Variants in DISP1 observed in about 807,000 individuals in gnomAD.
DISP1 encodes protein dispatched homolog 1.
A neutral mutation model predicts 37.3 loss-of-function variants in DISP1; 30 were observed. That is an observed-to-expected ratio of 0.80 (90% CI 0.60 to 1.09). The LOEUF (loss-of-function observed/expected upper bound fraction) is 1.09. Ranked by LOEUF, DISP1 falls within the 50% of genes least tolerant of loss-of-function variation. The pLI, the probability that DISP1 is intolerant of heterozygous loss-of-function variation, is 0.00. For synonymous variants in DISP1, 634 were observed against 690.2 expected (o/e 0.92, Z 1.28); for missense variants, 1,598 against 1,879.5 (o/e 0.85, Z 2.77).
intron 1 of DISP1, chr1:222,899,943 A>T (rs1671491345): frequency 6.6e-6 from 1 of 152,156 alleles, no homozygotes; most frequent in Non-Finnish European, 1.5e-5. Context: ...GCCTTAATGA[A>T]AAATTTCTAA....
At chr1:222,922,205 G>C (rs1487071947) in intron 1 of DISP1, among the ~76,000 whole-genome samples, 2 of 152,098 alleles carry the variant, frequency 1.3e-5, no homozygotes, top group Non-Finnish European at 1.5e-5. Flanking sequence ...TTGTGTGCCA[G>C]CTAAGATGTT....
chr1:222,823,474 CAT>C (rs560275237), intron 1 of DISP1, among the ~76,000 whole-genome samples: 118 of 152,156 alleles, frequency 7.8e-4, no homozygotes, highest in African/African-American at 2.7e-3. Flanking sequence ...TGCTAAATAA[CAT>C]GTACACATGG....
At chr1:222,843,878 A>G (rs1667746129) in intron 1 of DISP1, among the ~76,000 whole-genome samples, 1 of 152,126 alleles carries the variant, frequency 6.6e-6, no homozygotes, top group Non-Finnish European at 1.5e-5. Context: ...AGCCCCAGAA[A>G]AAGTAGATAA....
chr1:222,871,244 T>C (rs1177729471), intron 1 of DISP1, among the ~76,000 whole-genome samples: 1 of 152,228 alleles, frequency 6.6e-6, no homozygotes, highest in African/African-American at 2.4e-5. Flanking sequence ...AGCTTTGTTC[T>C]TTTGGCTTAG....
rs145128022 is a variant in DISP1 at position 222,834,291 on chromosome 1, C to T, written c.-159+19213C>T. On this transcript the variant is annotated intron_variant, in intron 1 of 8. Coordinates refer to ENST00000675850, the MANE Select transcript of DISP1 (RefSeq NM_001377229.1). ...CCTGTCCTGTAGTTGGATAGATAAG[C>T]TAACTCTTTGTGGGCTGGTCCTTAA... Among the ~76,000 whole-genome samples the T allele has an allele frequency of 4.4e-3, 670 of 151,980 alleles. 5 individuals carry two copies. The highest frequency in any genetic ancestry group is 0.015 in the African/African-American group (631 of 41,480).
chr1:222,817,746 C>A (rs1661613061), intron 1 of DISP1, among the ~76,000 whole-genome samples: 1 of 152,196 alleles, frequency 6.6e-6, no homozygotes, highest in African/African-American at 2.4e-5. Context: ...ACCAAGATGA[C>A]TTGGGCCTCA....
chr1:222,824,466 G>A (rs1663777168), intron 1 of DISP1, among the ~76,000 whole-genome samples: 1 of 152,126 alleles, frequency 6.6e-6, no homozygotes, highest in South Asian at 2.1e-4. Context: ...CATTTCAAAA[G>A]CACCTTAAAT....
At chr1:222,900,796 C>T (rs892669188) in intron 1 of DISP1, among the ~76,000 whole-genome samples, 1 of 152,106 alleles carries the variant, frequency 6.6e-6, no homozygotes, top group African/African-American at 2.4e-5. Flanking sequence ...ATTATTTTTA[C>T]TAATATATGA....
chr1:222,986,436 G>A (rs1051746668), intron 4 of DISP1, among the ~76,000 whole-genome samples: 3 of 152,104 alleles, frequency 2.0e-5, no homozygotes, highest in African/African-American at 7.2e-5. Context: ...AAGATACTTC[G>A]TTTATTTGTT....
intron 7 of DISP1, among the ~76,000 whole-genome samples, chr1:222,994,156 C>G (rs897190967): frequency 1.1e-4 from 17 of 152,132 alleles, no homozygotes; most frequent in Non-Finnish European, 2.1e-4. Flanking sequence ...ATAGATATTG[C>G]TGTCTGCATT....
At chr1:222,955,407 T>C (rs754385062) in intron 3 of DISP1, among the ~76,000 whole-genome samples, 8 of 152,162 alleles carry the variant, frequency 5.3e-5, no homozygotes, top group Non-Finnish European at 1.0e-4. Flanking sequence ...TAAATACAGA[T>C]AGTCTGCAAC....
intron 3 of DISP1, among the ~76,000 whole-genome samples, chr1:222,952,466 T>C (rs540718816): frequency 1.9e-4 from 29 of 152,090 alleles, no homozygotes; most frequent in Non-Finnish European, 2.9e-4. Flanking sequence ...TACTTTTTTG[T>C]TGTTGTTGTT....
rs113642039 is a variant in DISP1 at position 222,989,431 on chromosome 1, A to G, written c.540-1194A>G. ...TCAGTTTAGTCAGCTTCTGTTGGGT[A>G]CTCAGCTCATATCAAGACTTGGAAG... On this transcript the variant is annotated intron_variant, in intron 4 of 8. Coordinates refer to ENST00000675850, the MANE Select transcript of DISP1 (RefSeq NM_001377229.1). 5.4e-3 allele frequency: 5,336 copies of G among 985,376 alleles called. 220 individuals are homozygous for G. The African/African-American group carries it at 0.085, about 16-fold the overall frequency. 61.0% of individuals were successfully genotyped at this position (985,376 alleles called of 1,614,324 possible).
chr1:222,859,737 G>C (rs919140526), intron 1 of DISP1, among the ~76,000 whole-genome samples: 3 of 152,172 alleles, frequency 2.0e-5, no homozygotes, highest in African/African-American at 7.2e-5. Context: ...ACAATTAGAG[G>C]AAAACTATGC....
rs1050428258 is a variant in DISP1 at position 222,867,956 on chromosome 1, G to A, written c.-159+52878G>A. ...GAGAGGGAGTTTTAAAGAGAAAGGG[G>A]AATTTTAGCAGTGTCAGGTTTGGAG... is the stretch of plus-strand genomic sequence containing the variant. On this transcript the variant is annotated intron_variant, in intron 1 of 8. Coordinates refer to ENST00000675850, the MANE Select transcript of DISP1 (RefSeq NM_001377229.1). 2.0e-5 allele frequency among the ~76,000 whole-genome samples: 3 copies of A among 152,154 alleles called. No homozygotes were observed. In the East Asian group the frequency reaches 5.8e-4, roughly 29 times the overall value.
rs151004865 is a variant in DISP1, at chr1:223,005,168, A to C, written c.3771A>C (p.Glu1257Asp). Reference protein sequence around the residue: ...AGSALLQPPLEQHTVCHFFSL... With the variant: ...AGSALLQPPLDQHTVCHFFSL... The stretch of plus-strand genomic sequence containing the variant: ...CTGCCTTGTTACAGCCCCCTCTTGA[A>C]CAGCATACCGTGTGTCACTTCTTCT... Residue 1257 changes from glutamate (E) to aspartate (D), a missense_variant, in exon 9 of 9, where the codon GAA becomes GAC. Physicochemically the swap from Glu to Asp is conservative, Grantham distance 45. Coordinates refer to ENST00000675850, the MANE Select transcript of DISP1 (RefSeq NM_001377229.1). 2.5e-6 allele frequency: 4 copies of C among 1,614,044 alleles called. No homozygotes were observed. Among genetic ancestry groups the C allele is most frequent in the Non-Finnish European group, 3.4e-6 (4 of 1,180,018 alleles).
intron 1 of DISP1, among the ~76,000 whole-genome samples, chr1:222,832,013 G>T (rs1478360462): frequency 6.6e-6 from 1 of 151,928 alleles, no homozygotes; most frequent in Admixed American, 6.6e-5. Flanking sequence ...GGCACGGTGG[G>T]TCATGCCTGT....
chr1:222,857,267 T>A (rs766817269), intron 1 of DISP1, among the ~76,000 whole-genome samples: 1 of 151,130 alleles, frequency 6.6e-6, no homozygotes, highest in African/African-American at 2.4e-5. Context: ...ACTACATATC[T>A]AAAAAAAAGA....
At chr1:222,948,872 TTTTA>T (rs1244905466) in intron 3 of DISP1, among the ~76,000 whole-genome samples, 8 of 152,182 alleles carry the variant, frequency 5.3e-5, no homozygotes, top group African/African-American at 1.9e-4. Context: ...TTTCTAAAGT[TTTTA>T]TTTGTTTATA....
Sources: gnomAD v4.1 joint callset for allele counts (sites outside exome capture counted in the v4.1 genomes callset) on GRCh38, gnomAD v4.1.1 for gene constraint, MANE v1.5 for transcripts, NCBI Gene and HGNC (gene_info 2026-07-23, HGNC 2026-07-21) for gene names.